Variants in DST observed in about 807,000 individuals in gnomAD.
DST encodes bullous pemphigoid antigen.
DST carries 253 observed loss-of-function variants against 875.2 expected under a neutral mutation model. That is an observed-to-expected ratio of 0.29 (90% confidence interval 0.26 to 0.32). The LOEUF (loss-of-function observed/expected upper bound fraction) is 0.32, where lower values mean the gene tolerates loss of function less well. Among genes scored for constraint, DST ranks in the 10% least tolerant of loss-of-function variants. The pLI, the probability that DST is intolerant of heterozygous loss-of-function variation, is 1.00. For missense variants in DST, 8,287 were observed against 9,111.6 expected, an observed-to-expected ratio of 0.91 and a Z score of 3.68; for synonymous variants, 3,124 against 3,197.1, an observed-to-expected ratio of 0.98 and a Z score of 0.77.
chr6:56,910,463 T>C (rs1185360307), intron 2 of DST, among the ~76,000 whole-genome samples: 1 of 151,802 alleles, frequency 6.6e-6, no homozygotes, highest in Non-Finnish European at 1.5e-5. Context: ...AGCTGAATTG[T>C]ACATTTATTT....
intron 71 of DST, among the ~76,000 whole-genome samples, chr6:56,515,947 A>C (rs1051018085): frequency 1.3e-5 from 2 of 152,126 alleles, no homozygotes; most frequent in African/African-American, 4.8e-5. Context: ...CAAGATTAGA[A>C]AACAAGTCCC....
chr6:56,597,204 C>A (rs757048390), intron 47 of DST, among the ~76,000 whole-genome samples: 1 of 150,882 alleles, frequency 6.6e-6, no homozygotes. Flanking sequence ...TGTTTCACTG[C>A]ACTCTAACCT....
rs564521119 is a variant in DST, at chr6:56,617,161, C to T, written c.4930-2677G>A. The T allele has an allele frequency of 2.2e-5, 35 of 1,601,910 alleles. No individual in the cohort carries two copies. The South Asian group carries it at 3.5e-4, about 16-fold the overall frequency. Reference sequence around the variant, plus strand: ...TTCTCATGTCCAGAAGCTTAGCTTCCACCAACTGCCTGGCAGTCACAGTGT... The same window carrying T: ...TTCTCATGTCCAGAAGCTTAGCTTCTACCAACTGCCTGGCAGTCACAGTGT... On this transcript the variant is annotated intron_variant, in intron 36 of 103. Coordinates refer to ENST00000680361, the MANE Select transcript of DST (RefSeq NM_001374736.1).
intron 4 of DST, among the ~76,000 whole-genome samples, chr6:56,812,919 A>G (rs548317160): frequency 2.6e-5 from 4 of 152,038 alleles, no homozygotes; most frequent in South Asian, 2.1e-4. Context: ...ATGCTGCTAT[A>G]AAGACACATG....
At chr6:56,744,968 A>G (rs1289890523) in intron 4 of DST, among the ~76,000 whole-genome samples, 1 of 152,156 alleles carries the variant, frequency 6.6e-6, no homozygotes, top group Non-Finnish European at 1.5e-5. Flanking sequence ...TTCATGTTCT[A>G]GTCAATCCAA....
At chr6:56,873,667 C>T (rs931778951) in intron 3 of DST, among the ~76,000 whole-genome samples, 8 of 152,038 alleles carry the variant, frequency 5.3e-5, no homozygotes, top group Non-Finnish European at 1.2e-4. Flanking sequence ...AATAGTGGAT[C>T]TCATGAAGAT....
At chr6:56,842,263 G>A (rs1240587995) in intron 4 of DST, among the ~76,000 whole-genome samples, 2 of 152,208 alleles carry the variant, frequency 1.3e-5, no homozygotes, top group East Asian at 3.9e-4. Context: ...TTAAACCTCT[G>A]TGAGCTGCTC....
At chr6:56,542,116 T>C (rs1367415395) in intron 61 of DST, among the ~76,000 whole-genome samples, 1 of 152,154 alleles carries the variant, frequency 6.6e-6, no homozygotes. Context: ...TCCAGAAATT[T>C]AAAAGACAAA....
At position 56,561,522 on chromosome 6, in the gene DST, G is replaced by A; in HGVS notation, c.14096C>T (p.Thr4699Ile). 1.2e-6 allele frequency: 2 copies of A among 1,613,276 alleles called. No homozygotes were observed. The highest frequency in any genetic ancestry group is 1.7e-6 in the Non-Finnish European group (2 of 1,179,506). The change falls in exon 57 of 104, where the codon ACT (threonine) becomes ATT (isoleucine). Residue 4699 changes from threonine to isoleucine, a missense_variant. Physicochemically the swap from Thr to Ile is moderately conservative, Grantham distance 89. Around this residue, in one of 10 missense-constraint regions of DST, gnomAD observed 1,513 missense variants for 1,677.8 expected, o/e 0.90. Coordinates refer to ENST00000680361, the MANE Select transcript of DST (RefSeq NM_001374736.1). ...ATCTTCATAACCATGACTTATGTCAGTCATGTCCTTTTTAATGGATGTTAA... is the reference window on the plus strand; with the variant it reads ...ATCTTCATAACCATGACTTATGTCAATCATGTCCTTTTTAATGGATGTTAA... ...KGLTSIKKDMTDISHGYEDLG... is the reference protein window; with the variant it reads ...KGLTSIKKDMIDISHGYEDLG...
intron 10 of DST, among the ~76,000 whole-genome samples, chr6:56,662,308 G>A (rs954683041): frequency 6.6e-6 from 1 of 152,058 alleles, no homozygotes; most frequent in Non-Finnish European, 1.5e-5. Context: ...TTATCCTATG[G>A]ATATATTCAC....
chr6:56,925,610 C>T (rs1485110603), intron 2 of DST, among the ~76,000 whole-genome samples: 1 of 146,584 alleles, frequency 6.8e-6, no homozygotes. Context: ...CTAAATTCCT[C>T]TCTTTGTCTT....
chr6:56,878,300 G>C (rs191714664), intron 3 of DST, among the ~76,000 whole-genome samples: 56 of 152,296 alleles, frequency 3.7e-4, no homozygotes, highest in Admixed American at 1.2e-3. Context: ...GAGACACCTT[G>C]AAGGGTAAAA....
intron 4 of DST, among the ~76,000 whole-genome samples, chr6:56,773,009 T>G (rs960504932): frequency 4.6e-5 from 7 of 152,256 alleles, no homozygotes; most frequent in South Asian, 4.2e-4. Flanking sequence ...ATGCTGTGGC[T>G]TCTGGCCAAC....
At position 56,553,026 on chromosome 6, in the gene DST, T is replaced by C. The variant is rs2152555772; in HGVS notation, c.15766A>G (p.Met5256Val). 6.2e-6 allele frequency: 10 copies of C among 1,613,966 alleles called. No homozygotes were observed. The highest frequency in any genetic ancestry group is 1.1e-5 in the South Asian group (1 of 91,080). The change falls in exon 61 of 104, where the codon ATG becomes GTG. Residue 5256 changes from methionine to valine, a missense_variant. Physicochemically the swap from Met to Val is conservative, Grantham distance 21 (BLOSUM62 1). Coordinates refer to ENST00000680361, the MANE Select transcript of DST (RefSeq NM_001374736.1). Reference protein sequence around the residue: ...ENKSLIQKVDMVTEQLHSKKF... With the variant: ...ENKSLIQKVDVVTEQLHSKKF... The stretch of plus-strand genomic sequence containing the variant: ...TTACTGTGAAGTTGTTCAGTGACCA[T>C]GTCCACCTTCTGGATCAGTGACTTA...
intron 49 of DST, among the ~76,000 whole-genome samples, chr6:56,589,515 C>G (rs776972728): frequency 6.6e-6 from 1 of 152,196 alleles, no homozygotes; most frequent in Admixed American, 6.5e-5. Context: ...GACCAGAAGA[C>G]AGCGAAGTCT....
At chr6:56,725,652 T>C (rs1385315831) in intron 5 of DST, among the ~76,000 whole-genome samples, 1 of 152,212 alleles carries the variant, frequency 6.6e-6, no homozygotes, top group African/African-American at 2.4e-5. Flanking sequence ...TCTCCTCTAG[T>C]ATATGGCTTC....
At chr6:56,516,193 G>A (rs1363779765) in intron 71 of DST, among the ~76,000 whole-genome samples, 1 of 151,454 alleles carries the variant, frequency 6.6e-6, no homozygotes, top group East Asian at 1.9e-4. Context: ...GAAAGAGAAA[G>A]AGAAGGAGAA....
At chr6:56,751,378 G>A (rs1201274971) in intron 4 of DST, among the ~76,000 whole-genome samples, 1 of 152,136 alleles carries the variant, frequency 6.6e-6, no homozygotes, top group African/African-American at 2.4e-5. Context: ...TTAAATGTAG[G>A]TGGTAAGATA....
In DST at chr6:56,931,035, T is replaced by A. The variant is rs1809930726; in HGVS notation, c.216+22750A>T. Among the ~76,000 whole-genome samples the A allele has an allele frequency of 2.0e-5, 3 of 152,244 alleles. 1 individual carries two copies. The highest frequency in any genetic ancestry group is 2.0e-4 in the Admixed American group (3 of 15,284). ...CAAAACACTTCCTGCTGCCTCACTG[T>A]CAGTCATTTATAGCCTGGCATAAAT... On this transcript the variant is annotated intron_variant, in intron 2 of 103. Transcript: ENST00000680361.
Sources: allele counts gnomAD v4.1 joint callset (sites outside exome capture counted in the v4.1 genomes callset), GRCh38; gene constraint gnomAD v4.1.1; regional missense constraint gnomAD v4.1.1; transcripts MANE v1.5; gene names NCBI Gene and HGNC (gene_info 2026-07-23, HGNC 2026-07-21).